The following KIRREL3 variants were observed in gnomAD, a reference collection of about 807,000 sequenced individuals.
KIRREL3 encodes kin of IRRE-like protein 3.
In KIRREL3, 36 loss-of-function variants were observed where a neutral mutation model predicts 89.7. The observed-to-expected ratio is 0.40, with a 90% CI of 0.31 to 0.53. The LOEUF is 0.53. KIRREL3 is among the 20% of genes least tolerant of loss of function. The pLI is 0.49. For synonymous variants in KIRREL3, 445 were observed against 441.4 expected, an observed-to-expected ratio of 1.01 and a Z score of -0.10; for missense variants, 864 against 1,056.6, an observed-to-expected ratio of 0.82 and a Z score of 2.53.
intron 4 of KIRREL3, among the ~76,000 whole-genome samples, chr11:126,493,922 C>A (rs1957592821): frequency 6.6e-6 from 1 of 152,198 alleles, no homozygotes; most frequent in Admixed American, 6.5e-5. Flanking sequence ...AGCACCACCT[C>A]TCTGACTCAA....
At chr11:126,588,526 GGAA>G (rs1322570284) in intron 1 of KIRREL3, among the ~76,000 whole-genome samples, 5 of 152,160 alleles carry the variant, frequency 3.3e-5, no homozygotes, top group Non-Finnish European at 2.9e-5. Flanking sequence ...GGCAGGGAGG[GGAA>G]GGAGAGGAGG....
Position 126,703,261 on chromosome 11 carries a change from C to A in KIRREL3, c.56-140349G>T, listed in dbSNP as rs553175034. On this transcript the variant is annotated intron_variant, in intron 1 of 16. Coordinates refer to ENST00000525144, the MANE Select transcript of KIRREL3 (RefSeq NM_032531.4). The surrounding 1 kb of genome is among the most constrained non-coding windows in gnomAD (Gnocchi z 4.6). ...AGCGGCTGCTGCAGGCTGTGCACTG[C>A]ACAAGGCCAAGGCTTACCATTTGCA... 6.6e-6 allele frequency among the ~76,000 whole-genome samples: 1 copy of A among 152,330 alleles called. No homozygotes were observed. The highest frequency in any genetic ancestry group is 1.9e-4 in the East Asian group (1 of 5,174).
In KIRREL3 at chr11:126,955,596, C is replaced by G. The variant is rs1948899488; in HGVS notation, c.55+44859G>C. On this transcript the variant is annotated intron_variant, in intron 1 of 16. Coordinates refer to ENST00000525144, the MANE Select transcript of KIRREL3 (RefSeq NM_032531.4). This position sits in a 1 kb window ranked among gnomAD's most constrained non-coding sequence, Gnocchi z 4.6. ...TTGCTGCATTCTATCTCACTCCACC[C>G]CAATCCATTCTTTCCTTCCATCATT... Among the ~76,000 whole-genome samples, 1 of 152,198 alleles carries G rather than the reference C, an allele frequency of 6.6e-6. No homozygotes were observed. Among genetic ancestry groups the G allele is most frequent in the Non-Finnish European group, 1.5e-5 (1 of 68,036 alleles).
chr11:126,880,188 C>A (rs991332595), intron 1 of KIRREL3, among the ~76,000 whole-genome samples: 1 of 152,198 alleles, frequency 6.6e-6, no homozygotes, highest in African/African-American at 2.4e-5. Context: ...TCAGTAATTA[C>A]AAAGAGCCTG....
At chr11:126,444,946 C>G (rs764525092) in intron 10 of KIRREL3, 33 bp downstream of exon 10, 1 of 1,611,894 alleles carries the variant, frequency 6.2e-7, no homozygotes, top group East Asian at 2.2e-5. Flanking sequence ...TCTTCCCTCC[C>G]TCAGGCCTGG....
chr11:126,945,442 CGT>C (rs781207803), intron 1 of KIRREL3, among the ~76,000 whole-genome samples: 29 of 152,160 alleles, frequency 1.9e-4, no homozygotes, highest in Non-Finnish European at 3.4e-4. Context: ...CATTCTCTCC[CGT>C]GTCTCCGCAG....
In KIRREL3 at chr11:126,521,860, T is replaced by A. The variant is rs1958606595; in HGVS notation, c.284-396A>T. Reference sequence around the variant, plus strand: ...CCCAGACTCAAACGATCCTCCCACCTCAGCCTCCCAAGTAGCTGGGACTAC... The same window carrying A: ...CCCAGACTCAAACGATCCTCCCACCACAGCCTCCCAAGTAGCTGGGACTAC... On this transcript the variant is annotated intron_variant, in intron 3 of 16. Coordinates refer to ENST00000525144, the MANE Select transcript of KIRREL3 (RefSeq NM_032531.4). The surrounding 1 kb of genome is among the most constrained non-coding windows in gnomAD (Gnocchi z 4.1). Among the ~76,000 whole-genome samples, 1 of 152,136 alleles carries A rather than the reference T, an allele frequency of 6.6e-6. No individual in the cohort carries two copies. The highest frequency in any genetic ancestry group is 1.5e-5 in the Non-Finnish European group (1 of 68,032).
intron 1 of KIRREL3, among the ~76,000 whole-genome samples, chr11:126,828,112 T>C (rs4937194): frequency 0.86 from 131,442 of 152,258 alleles, 57,091 homozygotes; most frequent in East Asian, 1. Flanking sequence ...GCATGACATA[T>C]GGTAAATATT....
rs182507295 is a variant in KIRREL3, at chr11:126,832,142, G to A, written c.55+168313C>T. ...GTCCCAGATTCCACAACAAGAGGGA[G>A]TCCAAATGGGACAATAGGGTCAAGT... On this transcript the variant is annotated intron_variant, in intron 1 of 16. Coordinates refer to ENST00000525144, the MANE Select transcript of KIRREL3 (RefSeq NM_032531.4). Among the ~76,000 whole-genome samples, 397 of 152,278 alleles carry A rather than the reference G, an allele frequency of 2.6e-3. 2 individuals carry two copies. The highest frequency in any genetic ancestry group is 4.2e-3 in the Non-Finnish European group (284 of 68,024).
rs747547820 is a variant in KIRREL3 at position 126,519,464 on chromosome 11, T to C, written c.433+1851A>G. ...GAAATAATCTGGACTTTTAATACGT[T>C]GGACTTTTTTACGTAACGTAGAGTT... On this transcript the variant is annotated intron_variant, in intron 4 of 16. Transcript: ENST00000525144. The surrounding 1 kb of genome is among the most constrained non-coding windows in gnomAD (Gnocchi z 4.3). 6.6e-6 allele frequency among the ~76,000 whole-genome samples: 1 copy of C among 152,234 alleles called. No homozygotes were observed. Among genetic ancestry groups the C allele is most frequent in the Admixed American group, 6.5e-5 (1 of 15,280 alleles).
intron 1 of KIRREL3, chr11:126,945,196 C>G (rs1948582438): frequency 1.3e-5 from 2 of 152,326 alleles, no homozygotes; most frequent in South Asian, 4.1e-4. Context: ...CTCAGCTCCC[C>G]CACCTCCACC....
intron 1 of KIRREL3, among the ~76,000 whole-genome samples, chr11:126,927,363 C>G (rs564666933): frequency 6.6e-6 from 1 of 152,356 alleles, no homozygotes; most frequent in East Asian, 1.9e-4. Flanking sequence ...TGTACACACT[C>G]ATACTTATGT....
chr11:126,532,764 A>T (rs1057009994), intron 2 of KIRREL3, among the ~76,000 whole-genome samples: 1 of 152,076 alleles, frequency 6.6e-6, no homozygotes, highest in Non-Finnish European at 1.5e-5. Flanking sequence ...GCTCCTCTTC[A>T]CCTATTGGTC....
Position 126,596,831 on chromosome 11 carries a change from G to A in KIRREL3, c.56-33919C>T, listed in dbSNP as rs186461194. On this transcript the variant is annotated intron_variant, in intron 1 of 16. Coordinates refer to ENST00000525144, the MANE Select transcript of KIRREL3 (RefSeq NM_032531.4). The stretch of plus-strand genomic sequence containing the variant: ...ATCAACCATCCAGCCTGGTCTTCCA[G>A]AAGAGTTTGATGGCCTCTAGCCTTG... 2.0e-5 allele frequency among the ~76,000 whole-genome samples: 3 copies of A among 152,348 alleles called. No homozygotes were observed. In the East Asian group the frequency reaches 5.8e-4, roughly 29 times the overall value.
intron 1 of KIRREL3, among the ~76,000 whole-genome samples, chr11:126,951,612 C>A (rs1435442938): frequency 6.6e-6 from 1 of 152,182 alleles, no homozygotes; most frequent in Non-Finnish European, 1.5e-5. Flanking sequence ...GGGTATAAGG[C>A]TGAGGCCCCA....
At chr11:126,894,700 G>T (rs775384884) in intron 1 of KIRREL3, among the ~76,000 whole-genome samples, 2 of 151,792 alleles carry the variant, frequency 1.3e-5, no homozygotes, top group Non-Finnish European at 2.9e-5. Flanking sequence ...AGTGAGCCAT[G>T]ATTATGCCAC....
intron 7 of KIRREL3, among the ~76,000 whole-genome samples, chr11:126,453,030 T>C (rs2077327): frequency 0.29 from 43,422 of 150,802 alleles, 6,758 homozygotes; most frequent in Non-Finnish European, 0.34. Flanking sequence ...TCCCTGTCCT[T>C]CCTCTTTGTC....
In KIRREL3 at chr11:126,495,745, G is replaced by A. The variant is rs953307403; in HGVS notation, c.434-22279C>T. ...CTCTGAGCCCATGTGGGCACTCCCT[G>A]CCCTTCTCACCGCTCTCCTTGTAAA... On this transcript the variant is annotated intron_variant, in intron 4 of 16. Coordinates refer to ENST00000525144, the MANE Select transcript of KIRREL3 (RefSeq NM_032531.4). This position sits in a 1 kb window ranked among gnomAD's most constrained non-coding sequence, Gnocchi z 6.5. 1.3e-5 allele frequency among the ~76,000 whole-genome samples: 2 copies of A among 152,164 alleles called. No homozygotes were observed. Among genetic ancestry groups the A allele is most frequent in the Non-Finnish European group, 2.9e-5 (2 of 68,022 alleles).
At chr11:126,517,829 T>C (rs1285716462) in intron 4 of KIRREL3, among the ~76,000 whole-genome samples, 1 of 152,216 alleles carries the variant, frequency 6.6e-6, no homozygotes, top group Admixed American at 6.5e-5. Context: ...AGACCCAGGT[T>C]GAGAAACAGG....
Sources: allele counts gnomAD v4.1 joint callset (sites outside exome capture counted in the v4.1 genomes callset), GRCh38; gene constraint gnomAD v4.1.1; non-coding constraint Gnocchi (gnomAD v3.1); transcripts MANE v1.5; gene names NCBI Gene and HGNC (gene_info 2026-07-23, HGNC 2026-07-21).